SERINC5: variants seen among roughly 807,000 people sequenced by gnomAD.
SERINC5 encodes the protein serine incorporator 5, also known as chromosome 5 open reading frame 12.
A neutral mutation model predicts 63.1 loss-of-function variants in SERINC5; 41 were observed. That is an observed-to-expected ratio of 0.65 (90% CI 0.51 to 0.84). The LOEUF is 0.84. SERINC5 is among the 40% of genes least tolerant of loss of function. SERINC5 has a pLI of 0.00. For missense variants in SERINC5, 523 were observed against 573.0 expected, an observed-to-expected ratio of 0.91 and a Z score of 0.89; for synonymous variants, 222 against 215.2, an observed-to-expected ratio of 1.03 and a Z score of -0.28.
intron 1 of SERINC5, among the ~76,000 whole-genome samples, chr5:80,226,399 C>A (rs1294928351): frequency 6.6e-6 from 1 of 152,176 alleles, no homozygotes; most frequent in Non-Finnish European, 1.5e-5. Flanking sequence ...AAACCAAAAT[C>A]CTGATCTCTG....
At chr5:80,155,758 A>T (rs963182894) in intron 8 of SERINC5, among the ~76,000 whole-genome samples, 1 of 152,040 alleles carries the variant, frequency 6.6e-6, no homozygotes, top group African/African-American at 2.4e-5. Context: ...TATCTAAAAA[A>T]ATAAAAAGAG....
chr5:80,138,882 AAAAC>A lies in SERINC5; in HGVS notation c.*4777_*4780del, dbSNP rs1207008422. On this transcript the variant is annotated 3_prime_UTR_variant, in exon 12 of 12. Coordinates refer to ENST00000507668, the MANE Select transcript of SERINC5 (RefSeq NM_001174072.3). ...ATATATGTATCTAGCAGAAGAGAAA[AAAAC>A]AACACAGTTTTAATTTTAAATTTTA... The A allele has an allele frequency of 1.0e-6, 1 of 974,440 alleles. No individual in the cohort carries two copies. Among genetic ancestry groups the A allele is most frequent in the African/African-American group, 1.8e-5 (1 of 56,992 alleles). 60.4% of individuals were successfully genotyped at this position (974,440 alleles called of 1,614,324 possible).
chr5:80,198,479 T>C, intron 2 of SERINC5: 3 of 969,440 alleles, frequency 3.1e-6, no homozygotes, highest in Non-Finnish European at 3.7e-6. Flanking sequence ...GAGCTGCCCT[T>C]GCGCTCCTAA....
intron 2 of SERINC5, among the ~76,000 whole-genome samples, chr5:80,197,489 T>C (rs943524106): frequency 1.3e-5 from 2 of 151,698 alleles, no homozygotes; most frequent in African/African-American, 4.8e-5. Flanking sequence ...GAGGGGAAGA[T>C]GGGGAGGGAG....
At chr5:80,165,227 C>T (rs1166507803) in intron 7 of SERINC5, among the ~76,000 whole-genome samples, 1 of 151,946 alleles carries the variant, frequency 6.6e-6, no homozygotes, top group Non-Finnish European at 1.5e-5. Context: ...CCAGGTTAGG[C>T]AATAGTTACT....
In SERINC5 at chr5:80,139,824, T is replaced by A; in HGVS notation, c.*3839A>T. ...TCTGGGTGTGTAAGGTCTTACTTAG[T>A]TCAAGGTTTGTCCCTTCTTAGTTGT... On this transcript the variant is annotated 3_prime_UTR_variant, in exon 12 of 12. Coordinates refer to ENST00000507668, the MANE Select transcript of SERINC5 (RefSeq NM_001174072.3). The A allele has an allele frequency of 1.0e-6, 1 of 985,412 alleles. No homozygotes were observed. 61.0% of individuals were successfully genotyped at this position (985,412 alleles called of 1,614,324 possible).
chr5:80,210,041 G>A (rs912131601), intron 1 of SERINC5, among the ~76,000 whole-genome samples: 4 of 143,692 alleles, frequency 2.8e-5, no homozygotes, highest in Non-Finnish European at 6.0e-5. Context: ...CTAGGCCACA[G>A]AGATCCTATC....
Position 80,177,885 on chromosome 5 carries a change from C to T in SERINC5, c.374+1G>A, listed in dbSNP as rs1276243791. On this transcript the variant is annotated splice_donor_variant, in intron 3 of 11. Transcript: ENST00000507668. LOFTEE classifies it high-confidence loss of function. ...ATCCCCAAGAAGACTAAAATACTTA[C>T]CCATTGTGAATATGAGCTCTACAAC... 6 of 1,603,662 alleles carry T rather than the reference C, an allele frequency of 3.7e-6. No individual in the cohort carries two copies. The highest frequency in any genetic ancestry group is 5.1e-6 in the Non-Finnish European group (6 of 1,175,536).
In SERINC5 at chr5:80,189,866, C is replaced by A. The variant is rs144329064; in HGVS notation, c.196-11802G>T. 2.6e-5 allele frequency among the ~76,000 whole-genome samples: 4 copies of A among 152,176 alleles called. No individual in the cohort carries two copies. In the East Asian group the frequency reaches 7.7e-4, roughly 29 times the overall value. ...AGCTGGGACTAGAGGTGCATGCCAA[C>A]ACATCCGCTACTTTTTTACTTTTTG... On this transcript the variant is annotated intron_variant, in intron 2 of 11. Transcript: ENST00000507668.
chr5:80,119,946 G>T (rs1424662987), intron 11 of SERINC5, among the ~76,000 whole-genome samples: 1 of 152,104 alleles, frequency 6.6e-6, no homozygotes, highest in Non-Finnish European at 1.5e-5. Flanking sequence ...ATGTAATACT[G>T]GAAAGAGTAA....
intron 6 of SERINC5, among the ~76,000 whole-genome samples, chr5:80,167,424 T>C (rs1257400849): frequency 1.3e-5 from 2 of 152,244 alleles, no homozygotes; most frequent in Non-Finnish European, 2.9e-5. Flanking sequence ...CTTTCCTTTT[T>C]ATGGCTACAC....
intron 2 of SERINC5, among the ~76,000 whole-genome samples, chr5:80,189,675 TA>T (rs947993132): frequency 3.9e-5 from 6 of 152,322 alleles, no homozygotes; most frequent in Non-Finnish European, 8.8e-5. Context: ...CACATGCTTA[TA>T]GTCTAAGTGA....
rs183700929 is a variant in SERINC5, at chr5:80,223,993, C to T, written c.28-20940G>A. 1.5e-4 allele frequency among the ~76,000 whole-genome samples: 22 copies of T among 151,346 alleles called. 1 individual carries two copies. In the East Asian group the frequency reaches 3.1e-3, roughly 21 times the overall value. On this transcript the variant is annotated intron_variant, in intron 1 of 11. Coordinates refer to ENST00000507668, the MANE Select transcript of SERINC5 (RefSeq NM_001174072.3). ...ATACAAAAAAAAAAAATTAACTGGG[C>T]GTGGTGGCGGGCGCCTGTAATCCTA...
intron 1 of SERINC5, among the ~76,000 whole-genome samples, chr5:80,251,131 T>C (rs993965801): frequency 6.6e-6 from 1 of 152,110 alleles, no homozygotes; most frequent in Admixed American, 6.6e-5. Flanking sequence ...TTTTAAAAAC[T>C]GGCCAGGCAT....
intron 5 of SERINC5, among the ~76,000 whole-genome samples, chr5:80,170,394 T>C (rs1384395448): frequency 6.6e-6 from 1 of 152,154 alleles, no homozygotes; most frequent in Non-Finnish European, 1.5e-5. Context: ...CCGGGTTGCA[T>C]GGGGCCTTTT....
At chr5:80,115,510 T>G (rs1258246288) in intron 11 of SERINC5, among the ~76,000 whole-genome samples, 1 of 152,080 alleles carries the variant, frequency 6.6e-6, no homozygotes, top group Admixed American at 6.5e-5. Flanking sequence ...TAGTAATTAT[T>G]TGCTATTTTC....
intron 1 of SERINC5, among the ~76,000 whole-genome samples, chr5:80,225,463 T>C (rs568473293): frequency 1.3e-5 from 2 of 152,368 alleles, no homozygotes; most frequent in East Asian, 1.9e-4. Context: ...TCTATCTTTA[T>C]AACCATTCCA....
chr5:80,138,526 G>A (rs915268752), downstream of SERINC5, among the ~76,000 whole-genome samples: 17 of 152,168 alleles, frequency 1.1e-4, no homozygotes, highest in Admixed American at 1.1e-3. Context: ...AGCCTGGGAG[G>A]CGGTGGTTGC....
At chr5:80,233,280 A>G (rs879495556) in intron 1 of SERINC5, among the ~76,000 whole-genome samples, 15 of 151,830 alleles carry the variant, frequency 9.9e-5, no homozygotes, top group Non-Finnish European at 1.9e-4. Flanking sequence ...ACAAAAGATT[A>G]GCAGGGCATG....
Sources: gnomAD v4.1 joint callset for allele counts (sites outside exome capture counted in the v4.1 genomes callset) on GRCh38, gnomAD v4.1.1 for gene constraint, MANE v1.5 for transcripts, NCBI Gene and HGNC (gene_info 2026-07-23, HGNC 2026-07-21) for gene names.